The following BRCC3 variants were observed in gnomAD, a reference collection of about 807,000 sequenced individuals.
The protein encoded by BRCC3 is lys-63-specific deubiquitinase BRCC36.
BRCC3 carries 15 observed loss-of-function variants against 28.0 expected under a neutral mutation model. The observed-to-expected ratio is 0.54, with a 90% CI of 0.36 to 0.82. The LOEUF is 0.82. BRCC3 is among the 40% of genes least tolerant of loss of function. The pLI, the probability that BRCC3 is intolerant of heterozygous loss-of-function variation, is 0.01. For synonymous variants in BRCC3, 66 were observed against 80.3 expected (o/e 0.82, Z 0.95); for missense variants, 109 against 225.9 (o/e 0.48, Z 3.32).
intron 7 of BRCC3, among the ~76,000 whole-genome samples, chrX:155,092,520 A>G (rs2074181360): frequency 8.9e-6 from 1 of 111,828 alleles, no homozygotes; most frequent in Middle Eastern, 4.2e-3. Flanking sequence ...CAAGCAGTGT[A>G]GTGTACTATG....
intron 7 of BRCC3, among the ~76,000 whole-genome samples, chrX:155,098,961 TTTTG>T (rs201052228): frequency 0.047 from 5,180 of 111,154 alleles, 304 homozygotes; most frequent in African/African-American, 0.16. Flanking sequence ...TGAAGCTGTT[TTTTG>T]TTTGTTTGTT....
intron 7 of BRCC3, among the ~76,000 whole-genome samples, chrX:155,113,855 G>A (rs782777414): frequency 8.9e-6 from 1 of 111,902 alleles, no homozygotes; most frequent in South Asian, 3.7e-4. Flanking sequence ...TGGTCAACAA[G>A]CATATGAAAG....
intron 7 of BRCC3, among the ~76,000 whole-genome samples, chrX:155,110,611 A>G (rs2074315162): frequency 9.2e-6 from 1 of 109,051 alleles, no homozygotes; most frequent in Non-Finnish European, 1.9e-5. Context: ...TAATGATATC[A>G]GTCTTTTCAA....
intron 7 of BRCC3, among the ~76,000 whole-genome samples, chrX:155,096,291 C>T (rs782770387): frequency 2.3e-4 from 26 of 111,731 alleles, no homozygotes; most frequent in Non-Finnish European, 4.7e-4. Context: ...TTAATAGGTA[C>T]GGGATTTTAT....
intron 3 of BRCC3, among the ~76,000 whole-genome samples, chrX:155,074,516 A>G (rs978610172): frequency 5.4e-5 from 6 of 110,889 alleles, no homozygotes; most frequent in African/African-American, 2.0e-4. Flanking sequence ...CCTTCCCACA[A>G]TCCTTTGTGG....
chrX:155,095,710 A>G (rs2074205345), intron 7 of BRCC3, among the ~76,000 whole-genome samples: 1 of 111,617 alleles, frequency 9.0e-6, no homozygotes, highest in African/African-American at 3.3e-5. Flanking sequence ...CACTCACTTA[A>G]TTGCTCACCC....
chrX:155,101,191 A>G (rs1299322565), intron 7 of BRCC3, among the ~76,000 whole-genome samples: 1 of 111,894 alleles, frequency 8.9e-6, no homozygotes, highest in African/African-American at 3.3e-5. Context: ...GCACCAGTGC[A>G]CCCAGCCTGT....
rs1289341214 is a variant in BRCC3, at chrX:155,121,939, C to A, written c.*735C>A. ...GTTAGGCGTTCCAGACCAGCCTGGG[C>A]AACATAGTGAGACTCTTGTCTCTAC... On this transcript the variant is annotated 3_prime_UTR_variant, in exon 11 of 11. Transcript: ENST00000330045. 9.0e-6 allele frequency: 1 copy of A among 111,272 alleles called. No individual in the cohort carries two copies. The highest frequency in any genetic ancestry group is 1.9e-5 in the Non-Finnish European group (1 of 53,049). The allele number at this position is 111,272 out of a possible 1,213,427, so 9.2% of individuals were successfully genotyped here.
intron 3 of BRCC3, among the ~76,000 whole-genome samples, chrX:155,075,273 A>C (rs1408946948): frequency 2.0e-5 from 1 of 50,803 alleles, no homozygotes; most frequent in African/African-American, 5.8e-4. Context: ...ACATCTGATA[A>C]TGCTAAGCCC....
chrX:155,119,913 T>TG (rs2074379277), intron 9 of BRCC3, 86 bp from the exon 10 acceptor site: 6 of 806,382 alleles, frequency 7.4e-6, no homozygotes, highest in African/African-American at 2.1e-5. Flanking sequence ...TGCTCATGGT[T>TG]GGGGGTCTGT....
In BRCC3 at chrX:155,122,087, A is replaced by G. The variant is rs930044966; in HGVS notation, c.*883A>G. On this transcript the variant is annotated 3_prime_UTR_variant, in exon 11 of 11. Coordinates refer to ENST00000330045, the MANE Select transcript of BRCC3 (RefSeq NM_001018055.3). ...GGCTGCGGTGAGCTGTGATCACACCACCACACTCCAACCTGTGTAACAGAG... is the reference window on the plus strand; with the variant it reads ...GGCTGCGGTGAGCTGTGATCACACCGCCACACTCCAACCTGTGTAACAGAG... 13 of 108,051 alleles carry G rather than the reference A, an allele frequency of 1.2e-4. No homozygotes were observed. The highest frequency in any genetic ancestry group is 4.4e-4 in the African/African-American group (13 of 29,527). 8.9% of individuals were successfully genotyped at this position (108,051 alleles called of 1,213,427 possible).
intron 7 of BRCC3, among the ~76,000 whole-genome samples, chrX:155,104,942 C>G (rs1043270935): frequency 8.9e-6 from 1 of 112,360 alleles, no homozygotes; most frequent in African/African-American, 3.2e-5. Flanking sequence ...AGTCTATTTT[C>G]CCCCTGACCA....
chrX:155,116,887 G>C (rs2074360208), intron 9 of BRCC3, 133 bp downstream of exon 9: 1 of 450,299 alleles, frequency 2.2e-6, no homozygotes. Flanking sequence ...TTTCCCAAGG[G>C]TTTTCCTGAT....
In BRCC3 at chrX:155,107,543, C is replaced by A. The variant is rs1048761809; in HGVS notation, c.549-8514C>A. On this transcript the variant is annotated intron_variant, in intron 7 of 10. Coordinates refer to ENST00000330045, the MANE Select transcript of BRCC3 (RefSeq NM_001018055.3). Reference sequence around the variant, plus strand: ...TTTCCTTTTTCCTTATACCACCTGGCCAATGTCTAGTCATTTTTGAAGATG... The same window carrying A: ...TTTCCTTTTTCCTTATACCACCTGGACAATGTCTAGTCATTTTTGAAGATG... Among the ~76,000 whole-genome samples, 5 of 110,409 alleles carry A rather than the reference C, an allele frequency of 4.5e-5. 1 individual carries two copies. The East Asian group carries it at 1.1e-3, about 25-fold the overall frequency.
At position 155,075,096 on chromosome X, in the gene BRCC3, A is replaced by T. The variant is rs782687934; in HGVS notation, c.195+1665A>T. Reference sequence around the variant, plus strand: ...ATTATTATTTTAATATGTAGTGAATATTAAGAAATGTTGAGATATTTTACA... The same window carrying T: ...ATTATTATTTTAATATGTAGTGAATTTTAAGAAATGTTGAGATATTTTACA... On this transcript the variant is annotated intron_variant, in intron 3 of 10. Coordinates refer to ENST00000330045, the MANE Select transcript of BRCC3 (RefSeq NM_001018055.3). Among the ~76,000 whole-genome samples, 7 of 112,779 alleles carry T rather than the reference A, an allele frequency of 6.2e-5. No homozygotes were observed. In the South Asian group the frequency reaches 2.5e-3, roughly 41 times the overall value.
chrX:155,078,775 G>A, intron 5 of BRCC3, 72 bp downstream of exon 5: 1 of 786,056 alleles, frequency 1.3e-6, no homozygotes, highest in Non-Finnish European at 1.8e-6. Context: ...CATTACATAG[G>A]GTATGGTTAT....
At chrX:155,107,511 C>T (rs2074292748) in intron 7 of BRCC3, among the ~76,000 whole-genome samples, 1 of 109,919 alleles carries the variant, frequency 9.1e-6, no homozygotes, top group South Asian at 3.9e-4. Flanking sequence ...GCTCACTCTG[C>T]CTACAGTTTC....
At chrX:155,087,643 A>G in intron 5 of BRCC3, among the ~76,000 whole-genome samples, 1 of 111,668 alleles carries the variant, frequency 9.0e-6, no homozygotes, top group Non-Finnish European at 1.9e-5. Flanking sequence ...GGGCCACACC[A>G]ATATTTGGAG....
chrX:155,078,711 T>C lies in BRCC3; in HGVS notation c.403+8T>C. ...TTTGGCCTTCACATGTTGGTAAGTATCATGGGGTTGCAATGTTTATTGTTT... is the reference window on the plus strand; with the variant it reads ...TTTGGCCTTCACATGTTGGTAAGTACCATGGGGTTGCAATGTTTATTGTTT... On this transcript the variant is annotated splice_region_variant and intron_variant, in intron 5 of 10. Transcript: ENST00000330045. The C allele has an allele frequency of 9.1e-7, 1 of 1,104,585 alleles. No homozygotes were observed. The highest frequency in any genetic ancestry group is 1.2e-6 in the Non-Finnish European group (1 of 806,880). 91.0% of individuals were successfully genotyped at this position (1,104,585 alleles called of 1,213,427 possible). A position where few individuals can be genotyped will look rare whatever the true frequency, so the allele number is the denominator to read the frequency against.
Sources: gnomAD v4.1 joint callset for allele counts (sites outside exome capture counted in the v4.1 genomes callset) on GRCh38, gnomAD v4.1.1 for gene constraint, MANE v1.5 for transcripts, NCBI Gene and HGNC (gene_info 2026-07-23, HGNC 2026-07-21) for gene names.